Variants in ZNF804B observed in about 807,000 individuals in gnomAD.
ZNF804B encodes zinc finger 804B.
A neutral mutation model predicts 101.4 loss-of-function variants in ZNF804B; 80 were observed. The observed-to-expected ratio is 0.79, with a 90% CI of 0.66 to 0.95. The LOEUF is 0.95. Ranked by LOEUF, ZNF804B falls within the 40% of genes least tolerant of loss-of-function variation. ZNF804B has a pLI of 0.00. For missense variants in ZNF804B, 1,673 were observed against 1,561.9 expected (o/e 1.07, Z -1.20); for synonymous variants, 622 against 558.8 (o/e 1.11, Z -1.59).
intron 1 of ZNF804B, among the ~76,000 whole-genome samples, chr7:88,948,983 G>T (rs568089760): frequency 4.0e-5 from 6 of 150,818 alleles, no homozygotes; most frequent in African/African-American, 1.5e-4. Context: ...AATTAATTTT[G>T]TATGTGATTA....
chr7:89,249,734 A>T (rs1250481947), intron 2 of ZNF804B, among the ~76,000 whole-genome samples: 1 of 152,326 alleles, frequency 6.6e-6, no homozygotes, highest in East Asian at 1.9e-4. Context: ...GGAAATAAAA[A>T]ACAAGAACAA....
In ZNF804B at chr7:89,056,798, G is replaced by T. The variant is rs555103158; in HGVS notation, c.109-161357G>T. ...ACACTATAACAAGAATAGGTTCATTGCCTGATGCACACAGCAAGTCAATAC... is the reference window on the plus strand; with the variant it reads ...ACACTATAACAAGAATAGGTTCATTTCCTGATGCACACAGCAAGTCAATAC... On this transcript the variant is annotated intron_variant, in intron 1 of 3. Coordinates refer to ENST00000333190, the MANE Select transcript of ZNF804B (RefSeq NM_181646.5). Among the ~76,000 whole-genome samples the T allele has an allele frequency of 3.9e-5, 6 of 152,252 alleles. No homozygotes were observed. The South Asian group carries it at 1.2e-3, about 32-fold the overall frequency.
At chr7:89,316,064 A>G (rs1790722640) in intron 2 of ZNF804B, among the ~76,000 whole-genome samples, 1 of 152,160 alleles carries the variant, frequency 6.6e-6, no homozygotes, top group Non-Finnish European at 1.5e-5. Flanking sequence ...ATATTTTCCA[A>G]ACAAAACTAA....
At chr7:89,298,280 T>G (rs1340225152) in intron 2 of ZNF804B, among the ~76,000 whole-genome samples, 7 of 130,342 alleles carry the variant, frequency 5.4e-5, no homozygotes, top group Non-Finnish European at 1.1e-4. Context: ...AGGTTACATG[T>G]GCAGAACGTG....
At chr7:89,166,005 T>C (rs1352941639) in intron 1 of ZNF804B, among the ~76,000 whole-genome samples, 5 of 152,162 alleles carry the variant, frequency 3.3e-5, no homozygotes, top group Admixed American at 3.3e-4. Context: ...AAGTTTTATA[T>C]TACTGGTGGC....
At chr7:89,117,648 T>TTGATGC (rs1403218564) in intron 1 of ZNF804B, among the ~76,000 whole-genome samples, 3 of 152,220 alleles carry the variant, frequency 2.0e-5, no homozygotes, top group Admixed American at 6.5e-5. Context: ...AGCCATAATG[T>TTGATGC]TGATGCTATA....
chr7:89,182,676 G>A (rs1788315194), intron 1 of ZNF804B, among the ~76,000 whole-genome samples: 1 of 152,126 alleles, frequency 6.6e-6, no homozygotes, highest in African/African-American at 2.4e-5. Flanking sequence ...AGGTAGTATA[G>A]AGCTGTGCAA....
At chr7:88,855,632 G>A (rs1019134644) in intron 1 of ZNF804B, among the ~76,000 whole-genome samples, 13 of 152,186 alleles carry the variant, frequency 8.5e-5, no homozygotes, top group East Asian at 1.9e-4. Flanking sequence ...GTCAATTTTG[G>A]CTTTTGTTGC....
intron 1 of ZNF804B, chr7:88,794,880 A>G (rs770719029): frequency 6.2e-7 from 1 of 1,612,374 alleles, no homozygotes; most frequent in Non-Finnish European, 8.5e-7. Flanking sequence ...CTTGGAGAAA[A>G]AGAAGAGGTT....
At chr7:88,815,711 AG>A (rs1790864299) in intron 1 of ZNF804B, among the ~76,000 whole-genome samples, 1 of 152,008 alleles carries the variant, frequency 6.6e-6, no homozygotes, top group African/African-American at 2.4e-5. Flanking sequence ...CAGCCTGCTT[AG>A]GTTCCCACAC....
intron 1 of ZNF804B, among the ~76,000 whole-genome samples, chr7:88,896,489 A>G (rs905989694): frequency 1.3e-5 from 2 of 152,152 alleles, no homozygotes; most frequent in African/African-American, 4.8e-5. Context: ...AGGCTTCAAA[A>G]AGATTATCAA....
intron 1 of ZNF804B, among the ~76,000 whole-genome samples, chr7:88,816,830 T>C (rs1317791676): frequency 2.1e-5 from 3 of 145,958 alleles, no homozygotes; most frequent in Non-Finnish European, 3.0e-5. Context: ...TGTGGTGATT[T>C]CTCAGGGATC....
At chr7:89,024,156 G>T (rs1463306023) in intron 1 of ZNF804B, among the ~76,000 whole-genome samples, 2 of 152,122 alleles carry the variant, frequency 1.3e-5, no homozygotes, top group Non-Finnish European at 2.9e-5. Context: ...GAGATATAAC[G>T]TAGACTATGA....
intron 1 of ZNF804B, among the ~76,000 whole-genome samples, chr7:89,052,798 A>G (rs1789228163): frequency 2.0e-5 from 3 of 152,130 alleles, no homozygotes; most frequent in African/African-American, 7.2e-5. Flanking sequence ...TGATATTCAG[A>G]TTTTCTATGA....
At chr7:89,104,190 T>C (rs970556955) in intron 1 of ZNF804B, among the ~76,000 whole-genome samples, 2 of 152,056 alleles carry the variant, frequency 1.3e-5, no homozygotes, top group African/African-American at 2.4e-5. Flanking sequence ...CCTGTAGTTG[T>C]CTTTTTTTGT....
intron 1 of ZNF804B, among the ~76,000 whole-genome samples, chr7:89,183,017 T>C (rs780443124): frequency 6.6e-6 from 1 of 152,144 alleles, no homozygotes; most frequent in Non-Finnish European, 1.5e-5. Flanking sequence ...ACAGGTTATA[T>C]GTAAAGAATA....
intron 1 of ZNF804B, among the ~76,000 whole-genome samples, chr7:88,793,805 A>G (rs946510693): frequency 3.3e-5 from 5 of 152,122 alleles, no homozygotes; most frequent in African/African-American, 1.2e-4. Context: ...TCAGAACACT[A>G]TACTTCTGCT....
intron 1 of ZNF804B, among the ~76,000 whole-genome samples, chr7:88,773,616 A>T (rs1439861211): frequency 1.3e-5 from 2 of 152,188 alleles, no homozygotes; most frequent in African/African-American, 4.8e-5. Flanking sequence ...TATTGCTATA[A>T]AGAAATACCT....
intron 1 of ZNF804B, among the ~76,000 whole-genome samples, chr7:89,170,009 A>G (rs1471231747): frequency 6.6e-6 from 1 of 152,230 alleles, no homozygotes; most frequent in Non-Finnish European, 1.5e-5. Flanking sequence ...TGGATAAAAT[A>G]AGAAACCAAC....
Sources: gnomAD v4.1 joint callset for allele counts (sites outside exome capture counted in the v4.1 genomes callset) on GRCh38, gnomAD v4.1.1 for gene constraint, MANE v1.5 for transcripts, NCBI Gene and HGNC (gene_info 2026-07-23, HGNC 2026-07-21) for gene names.